ECE1: variants seen among roughly 807,000 people sequenced by gnomAD.
ECE1 encodes endothelin-converting enzyme 1.
ECE1 carries 35 observed loss-of-function variants against 98.6 expected under a neutral mutation model. The observed-to-expected ratio is 0.35, with a 90% CI of 0.27 to 0.47. The LOEUF (loss-of-function observed/expected upper bound fraction) is 0.47, where lower values mean the gene tolerates loss of function less well. Among genes scored for constraint, ECE1 ranks in the 20% least tolerant of loss-of-function variants. The pLI, the probability that ECE1 is intolerant of heterozygous loss-of-function variation, is 1.00. For missense variants in ECE1, 814 were observed against 1,025.3 expected (o/e 0.79, Z 2.81); for synonymous variants, 394 against 407.1 (o/e 0.97, Z 0.39).
Position 21,244,983 on chromosome 1 carries a change from G to T in ECE1, c.1278+6C>A. On this transcript the variant is annotated splice_donor_region_variant and intron_variant, in intron 10 of 18. Transcript: ENST00000374893. Reference sequence around the variant, plus strand: ...CATATTCAGGCATACGCAGTAGCAGGCTCACCTTCTTGGTCCCGTACATGA... The same window carrying T: ...CATATTCAGGCATACGCAGTAGCAGTCTCACCTTCTTGGTCCCGTACATGA... The T allele has an allele frequency of 6.2e-7, 1 of 1,612,694 alleles. No homozygotes were observed. Among genetic ancestry groups the T allele is most frequent in the Non-Finnish European group, 8.5e-7 (1 of 1,178,696 alleles).
In ECE1 at chr1:21,221,929, C is replaced by T. The variant is rs922794030; in HGVS notation, c.2041-87G>A. 55 of 1,184,618 alleles carry T rather than the reference C, an allele frequency of 4.6e-5. 1 individual carries two copies. In the South Asian group the frequency reaches 5.2e-4, roughly 11 times the overall value. 73.4% of individuals were successfully genotyped at this position (1,184,618 alleles called of 1,614,324 possible). ...GTATGGAGGTCTCAGGGAGCTCCCCCGTGTTGGGGCAAGGACTAGTTTCTG... is the reference window on the plus strand; with the variant it reads ...GTATGGAGGTCTCAGGGAGCTCCCCTGTGTTGGGGCAAGGACTAGTTTCTG... On this transcript the variant is annotated intron_variant, in intron 17 of 18. Coordinates refer to ENST00000374893, the MANE Select transcript of ECE1 (RefSeq NM_001397.3).
chr1:21,284,085 G>A (rs999822876), intron 2 of ECE1, among the ~76,000 whole-genome samples: 1 of 152,224 alleles, frequency 6.6e-6, no homozygotes, highest in African/African-American at 2.4e-5. Context: ...TCAGGGCACC[G>A]ATCTGCTTCC....
At chr1:21,332,816 G>A (rs1161501601) in intron 1 of ECE1, among the ~76,000 whole-genome samples, 1 of 140,036 alleles carries the variant, frequency 7.1e-6, no homozygotes, top group Non-Finnish European at 1.6e-5. Context: ...GGAGTTAGAG[G>A]GAAGGGGGCT....
intron 17 of ECE1, among the ~76,000 whole-genome samples, chr1:21,223,739 C>T (rs2098170308): frequency 6.6e-6 from 1 of 151,876 alleles, no homozygotes; most frequent in African/African-American, 2.4e-5. Context: ...GCTGGGATTA[C>T]AGGCATGAGC....
chr1:21,255,269 A>G (rs1411318257), intron 8 of ECE1, among the ~76,000 whole-genome samples: 2 of 152,226 alleles, frequency 1.3e-5, no homozygotes, highest in African/African-American at 4.8e-5. Flanking sequence ...TGATGTCAAG[A>G]AACGGCAAGA....
intron 3 of ECE1, among the ~76,000 whole-genome samples, chr1:21,274,572 G>A (rs1335433519): frequency 6.6e-6 from 1 of 152,186 alleles, no homozygotes; most frequent in Admixed American, 6.5e-5. Flanking sequence ...AGGGTCTGAA[G>A]TTTCAGGCCA....
At chr1:21,293,684 T>G (rs901758802), upstream of ECE1, 1 of 152,062 alleles carries the variant, frequency 6.6e-6, no homozygotes, top group African/African-American at 2.4e-5. Flanking sequence ...GTAGTGAAAC[T>G]GAACCCACCT....
intron 3 of ECE1, among the ~76,000 whole-genome samples, chr1:21,277,720 C>T (rs2103334786): frequency 6.6e-6 from 1 of 152,308 alleles, no homozygotes; most frequent in South Asian, 2.1e-4. Flanking sequence ...ATGGCACAGG[C>T]ACTATGCTAA....
Position 21,250,257 on chromosome 1 carries a change from C to T in ECE1, c.1021-2894G>A, listed in dbSNP as rs199708178. 4.6e-5 allele frequency among the ~76,000 whole-genome samples: 7 copies of T among 152,294 alleles called. No individual in the cohort carries two copies. The East Asian group carries it at 1.3e-3, about 29-fold the overall frequency. On this transcript the variant is annotated intron_variant, in intron 8 of 18. Transcript: ENST00000374893. ...TTGTCCTTTTGTGATTGGCTTATTT[C>T]GCTTAGCACAGTATCCTCAAGTAAA... is the stretch of plus-strand genomic sequence containing the variant.
intron 16 of ECE1, among the ~76,000 whole-genome samples, chr1:21,226,431 C>T (rs940458343): frequency 5.9e-5 from 9 of 152,260 alleles, no homozygotes; most frequent in African/African-American, 1.2e-4. Context: ...TTCATATAAT[C>T]GGCAGGTGGC....
rs1353221104 is a variant in ECE1 at position 21,260,462 on chromosome 1, T to C, written c.494-70A>G. 1 of 1,587,392 alleles carries C rather than the reference T, an allele frequency of 6.3e-7. No individual in the cohort carries two copies. Among genetic ancestry groups the C allele is most frequent in the Admixed American group, 1.7e-5 (1 of 59,994 alleles). On this transcript the variant is annotated intron_variant, in intron 4 of 18. Coordinates refer to ENST00000374893, the MANE Select transcript of ECE1 (RefSeq NM_001397.3). The surrounding 1 kb of genome is among the most constrained non-coding windows in gnomAD (Gnocchi z 4.3). ...CACTGGGTGGCTTTGGGGCAGTCCC[T>C]CTTTTCGGAGCCTTGGTGTTCTCAG...
chr1:21,299,097 T>G, intron 1 of ECE1: 1 of 337,700 alleles, frequency 3.0e-6, no homozygotes, highest in Non-Finnish European at 6.0e-6. Flanking sequence ...TAAGACAAAG[T>G]TAACCCGTCT....
intron 3 of ECE1, among the ~76,000 whole-genome samples, chr1:21,278,289 G>C (rs534417973): frequency 2.6e-5 from 4 of 152,362 alleles, no homozygotes; most frequent in African/African-American, 9.6e-5. Flanking sequence ...CATCAACTCT[G>C]TGTGAGGCAG....
intron 1 of ECE1, among the ~76,000 whole-genome samples, chr1:21,304,613 T>C (rs1638557607): frequency 6.6e-6 from 1 of 152,146 alleles, no homozygotes. Context: ...AACTAAGCCA[T>C]ATGGCGACAG....
At chr1:21,250,627 T>C (rs1279217741) in intron 8 of ECE1, among the ~76,000 whole-genome samples, 1 of 152,178 alleles carries the variant, frequency 6.6e-6, no homozygotes, top group Non-Finnish European at 1.5e-5. Context: ...TAAAGTAAAA[T>C]TGATCTGTAA....
intron 1 of ECE1, among the ~76,000 whole-genome samples, chr1:21,303,070 C>T (rs905717515): frequency 6.6e-6 from 1 of 152,240 alleles, no homozygotes; most frequent in Admixed American, 6.5e-5. Flanking sequence ...ACTAGGCTTC[C>T]ATCTACCCAG....
intron 1 of ECE1, among the ~76,000 whole-genome samples, chr1:21,311,657 A>T (rs1237457006): frequency 1.3e-5 from 2 of 151,874 alleles, no homozygotes; most frequent in African/African-American, 4.8e-5. Flanking sequence ...TCTACAAAAA[A>T]ATATAAAAAT....
chr1:21,260,628 C>A lies in ECE1; in HGVS notation c.494-236G>T, dbSNP rs953243630. Among the ~76,000 whole-genome samples the A allele has an allele frequency of 1.3e-5, 2 of 152,170 alleles. No individual in the cohort carries two copies. The highest frequency in any genetic ancestry group is 4.1e-4 in the South Asian group (2 of 4,832). On this transcript the variant is annotated intron_variant, in intron 4 of 18. Transcript: ENST00000374893. The surrounding 1 kb of genome is among the most constrained non-coding windows in gnomAD (Gnocchi z 4.3). ...GCTGACTGCAAAGAAAAAGAATCGA[C>A]CACGTTTCTCTCCCTCTGCCAGTTG...
chr1:21,233,470 G>A lies in ECE1; in HGVS notation c.1670+88C>T. ...CTCGTGATAGCTGATCGGGTGCACA[G>A]TGAGGGTGCAATGAAGGCCAGTTCG... On this transcript the variant is annotated intron_variant, in intron 14 of 18. Coordinates refer to ENST00000374893, the MANE Select transcript of ECE1 (RefSeq NM_001397.3). This position sits in a 1 kb window ranked among gnomAD's most constrained non-coding sequence, Gnocchi z 4.0. The A allele has an allele frequency of 2.6e-6, 3 of 1,172,850 alleles. No individual in the cohort carries two copies. In the South Asian group the frequency reaches 3.8e-5, roughly 15 times the overall value. The allele number at this position is 1,172,850 out of a possible 1,614,324, so 72.7% of individuals were successfully genotyped here. A position where few individuals can be genotyped will look rare whatever the true frequency, so the allele number is the denominator to read the frequency against.
Sources: allele counts gnomAD v4.1 joint callset (sites outside exome capture counted in the v4.1 genomes callset), GRCh38; gene constraint gnomAD v4.1.1; non-coding constraint Gnocchi (gnomAD v3.1); transcripts MANE v1.5; gene names NCBI Gene and HGNC (gene_info 2026-07-23, HGNC 2026-07-21).